The following SPATS2 variants were observed in gnomAD, a reference collection of about 807,000 sequenced individuals.
SPATS2 encodes the protein spermatogenesis-associated serine-rich protein 2.
A neutral mutation model predicts 63.7 loss-of-function variants in SPATS2; 38 were observed. The ratio of observed to expected loss-of-function variants is 0.60; its 90% CI spans 0.46 to 0.78. The LOEUF (loss-of-function observed/expected upper bound fraction) is 0.78. Ranked by LOEUF, SPATS2 falls within the 30% of genes least tolerant of loss-of-function variation. The pLI is 0.00. For synonymous variants in SPATS2, 207 were observed against 232.9 expected, an observed-to-expected ratio of 0.89 and a Z score of 1.01; for missense variants, 588 against 666.2, an observed-to-expected ratio of 0.88 and a Z score of 1.29.
intron 2 of SPATS2, among the ~76,000 whole-genome samples, chr12:49,437,112 C>G (rs937288796): frequency 6.6e-6 from 1 of 151,466 alleles, no homozygotes; most frequent in African/African-American, 2.4e-5. Context: ...ACTTTTCAGA[C>G]GGTGTGGCTG....
At chr12:49,510,543 C>T (rs1449293841) in intron 9 of SPATS2, among the ~76,000 whole-genome samples, 2 of 136,000 alleles carry the variant, frequency 1.5e-5, no homozygotes, top group South Asian at 2.3e-4. Flanking sequence ...CCAGCCTGGG[C>T]GACAGTGAGA....
intron 3 of SPATS2, among the ~76,000 whole-genome samples, chr12:49,477,334 C>G (rs1449964547): frequency 6.6e-6 from 1 of 152,122 alleles, no homozygotes; most frequent in East Asian, 1.9e-4. Flanking sequence ...AGAAGAGGCA[C>G]AGCATCCTTC....
At chr12:49,416,742 C>T (rs565660263) in intron 2 of SPATS2, among the ~76,000 whole-genome samples, 1 of 152,150 alleles carries the variant, frequency 6.6e-6, no homozygotes, top group African/African-American at 2.4e-5. Context: ...ACCTCAGCTT[C>T]CCAAAGTGTT....
At chr12:49,460,673 T>A in intron 2 of SPATS2, 97 bp from the exon 3 acceptor site, 1 of 258,554 alleles carries the variant, frequency 3.9e-6, no homozygotes, top group Non-Finnish European at 7.2e-6. Context: ...TAGTTTTGTA[T>A]ACAGAAATAC....
At chr12:49,420,841 A>G (rs1056894606) in intron 2 of SPATS2, among the ~76,000 whole-genome samples, 36 of 152,032 alleles carry the variant, frequency 2.4e-4, no homozygotes, top group Admixed American at 5.9e-4. Context: ...CTGTCTCTAC[A>G]AAGAAATAAT....
At chr12:49,445,832 C>G (rs966201113) in intron 2 of SPATS2, among the ~76,000 whole-genome samples, 3 of 151,766 alleles carry the variant, frequency 2.0e-5, no homozygotes, top group African/African-American at 7.3e-5. Flanking sequence ...GCCTGGCTTG[C>G]TAATATTTTG....
chr12:49,490,844 G>A (rs1946370224), intron 6 of SPATS2, 113 bp downstream of exon 6: 1 of 1,023,442 alleles, frequency 9.8e-7, no homozygotes, highest in Non-Finnish European at 1.4e-6. Context: ...TGTTTACCTG[G>A]TTAAAAAACA....
intron 11 of SPATS2, among the ~76,000 whole-genome samples, chr12:49,520,758 A>G (rs1168431824): frequency 6.6e-6 from 1 of 150,452 alleles, no homozygotes; most frequent in Non-Finnish European, 1.5e-5. Context: ...TCGCTCTGTC[A>G]TCCAGGCTGG....
chr12:49,519,800 C>G (rs1465305716), intron 11 of SPATS2, among the ~76,000 whole-genome samples: 1 of 151,144 alleles, frequency 6.6e-6, no homozygotes, highest in Admixed American at 6.6e-5. Flanking sequence ...CTGCCTCCAA[C>G]TACAGTTACC....
Position 49,476,269 on chromosome 12 carries a change from G to T in SPATS2, c.26-8321G>T, listed in dbSNP as rs534927699. On this transcript the variant is annotated intron_variant, in intron 3 of 13. Coordinates refer to ENST00000552918, the MANE Select transcript of SPATS2 (RefSeq NM_023071.4). ...CCCGCACGCCAGCAGGTCACCAACCGGCAGAATGACATGGAGTTTGGCTGG... is the reference window on the plus strand; with the variant it reads ...CCCGCACGCCAGCAGGTCACCAACCTGCAGAATGACATGGAGTTTGGCTGG... 7.2e-5 allele frequency among the ~76,000 whole-genome samples: 11 copies of T among 152,220 alleles called. No homozygotes were observed. In the South Asian group the frequency reaches 1.9e-3, roughly 26 times the overall value.
intron 2 of SPATS2, among the ~76,000 whole-genome samples, chr12:49,454,963 T>C (rs763852614): frequency 1.3e-5 from 2 of 152,088 alleles, no homozygotes; most frequent in African/African-American, 2.4e-5. Flanking sequence ...TGCTAGCCTT[T>C]CATATCTCAG....
intron 1 of SPATS2, among the ~76,000 whole-genome samples, chr12:49,368,982 A>G (rs1943951336): frequency 6.6e-6 from 1 of 151,722 alleles, no homozygotes; most frequent in Non-Finnish European, 1.5e-5. Context: ...ATGAAAATTG[A>G]ACAAAGCAAG....
At chr12:49,457,846 T>C (rs1945746990) in intron 2 of SPATS2, among the ~76,000 whole-genome samples, 1 of 152,164 alleles carries the variant, frequency 6.6e-6, no homozygotes. Flanking sequence ...TCTTATTAAG[T>C]GTGCCCTATC....
At chr12:49,372,233 T>A (rs1301288114) in intron 2 of SPATS2, among the ~76,000 whole-genome samples, 1 of 152,052 alleles carries the variant, frequency 6.6e-6, no homozygotes, top group Non-Finnish European at 1.5e-5. Context: ...TTAGTAGAGA[T>A]GAAGTTTCGC....
At chr12:49,451,406 C>T (rs1945620884) in intron 2 of SPATS2, among the ~76,000 whole-genome samples, 1 of 152,038 alleles carries the variant, frequency 6.6e-6, no homozygotes, top group African/African-American at 2.4e-5. Flanking sequence ...TAGCTTCTTT[C>T]TCCTTTTATG....
intron 3 of SPATS2, among the ~76,000 whole-genome samples, chr12:49,467,832 T>A (rs1260142836): frequency 6.6e-6 from 1 of 151,924 alleles, no homozygotes; most frequent in African/African-American, 2.4e-5. Flanking sequence ...GCCTCCTGAG[T>A]AGCTGGGTCT....
At chr12:49,513,776 T>C (rs1946791762) in intron 9 of SPATS2, among the ~76,000 whole-genome samples, 1 of 152,216 alleles carries the variant, frequency 6.6e-6, no homozygotes, top group Non-Finnish European at 1.5e-5. Flanking sequence ...TGGATAAATT[T>C]ACTATGCCCT....
chr12:49,465,149 A>G (rs1439081151), intron 3 of SPATS2, among the ~76,000 whole-genome samples: 1 of 152,230 alleles, frequency 6.6e-6, no homozygotes, highest in Non-Finnish European at 1.5e-5. Context: ...TTGTGCTGTT[A>G]TGAATGATTG....
At position 49,453,718 on chromosome 12, in the gene SPATS2, CAG is replaced by C. The variant is rs368723689; in HGVS notation, c.-243-7050_-243-7049del. 4.7e-4 allele frequency among the ~76,000 whole-genome samples: 71 copies of C among 152,068 alleles called. No individual in the cohort carries two copies. The South Asian group carries it at 0.012, about 26-fold the overall frequency. On this transcript the variant is annotated intron_variant, in intron 2 of 13. Coordinates refer to ENST00000552918, the MANE Select transcript of SPATS2 (RefSeq NM_023071.4). ...GTTGCAGCCACCTAGCAGGCTAAGACAGAAGAATCGCTTGAGCCCAGGAGTTT... is the reference window on the plus strand; with the variant it reads ...GTTGCAGCCACCTAGCAGGCTAAGACAAGAATCGCTTGAGCCCAGGAGTTT...
Sources: gnomAD v4.1 joint callset for allele counts (sites outside exome capture counted in the v4.1 genomes callset) on GRCh38, gnomAD v4.1.1 for gene constraint, MANE v1.5 for transcripts, NCBI Gene and HGNC (gene_info 2026-07-23, HGNC 2026-07-21) for gene names.